The following PTPRD variants were observed in gnomAD, a reference collection of about 807,000 sequenced individuals.
PTPRD encodes protein tyrosine phosphatase receptor type D, also known as receptor-type tyrosine-protein phosphatase delta.
Under a neutral mutation model 214.5 loss-of-function variants are expected in PTPRD, and 34 were observed. That is an observed-to-expected ratio of 0.16 (90% CI 0.12 to 0.21). PTPRD has a LOEUF of 0.21. Among genes scored for constraint, PTPRD ranks in the 10% least tolerant of loss-of-function variants. The probability of loss-of-function intolerance (pLI) is 1.00; values close to 1 mark genes in which losing one functional copy is unlikely to be tolerated. For synonymous variants in PTPRD, 1,128 were observed against 845.7 expected (o/e 1.33, Z -5.79); for missense variants, 2,545 against 2,398.7 (o/e 1.06, Z -1.27).
intron 2 of PTPRD, among the ~76,000 whole-genome samples, chr9:10,426,594 T>C (rs2098620494): frequency 6.6e-6 from 1 of 152,068 alleles, no homozygotes; most frequent in Non-Finnish European, 1.5e-5. Context: ...CTGGATAAGA[T>C]AGCAGTATAA....
chr9:8,823,960 T>A (rs1272364788), intron 11 of PTPRD, among the ~76,000 whole-genome samples: 1 of 152,224 alleles, frequency 6.6e-6, no homozygotes, highest in African/African-American at 2.4e-5. Flanking sequence ...TATTCATGTC[T>A]TCCCTTTTTA....
intron 7 of PTPRD, among the ~76,000 whole-genome samples, chr9:9,716,442 A>G (rs534492837): frequency 1.3e-4 from 20 of 152,038 alleles, no homozygotes; most frequent in African/African-American, 4.8e-4. Flanking sequence ...GACTTCCACA[A>G]GGGTTGAACT....
chr9:9,473,393 T>C (rs2094773611), intron 8 of PTPRD, among the ~76,000 whole-genome samples: 1 of 152,226 alleles, frequency 6.6e-6, no homozygotes, highest in African/African-American at 2.4e-5. Flanking sequence ...TTTAGGTTGA[T>C]TCCATATCTT....
chr9:9,107,428 A>G (rs1176037327), intron 10 of PTPRD, among the ~76,000 whole-genome samples: 2 of 152,180 alleles, frequency 1.3e-5, no homozygotes, highest in Non-Finnish European at 1.5e-5. Flanking sequence ...TGTTTTTACT[A>G]TAATGTGGTT....
intron 22 of PTPRD, among the ~76,000 whole-genome samples, chr9:8,505,021 G>A (rs1419505276): frequency 2.0e-5 from 3 of 152,116 alleles, no homozygotes; most frequent in Non-Finnish European, 4.4e-5. Context: ...TACTACCCTA[G>A]GTTGATCTAA....
At chr9:9,215,671 A>T (rs1436591613) in intron 9 of PTPRD, among the ~76,000 whole-genome samples, 1 of 152,280 alleles carries the variant, frequency 6.6e-6, no homozygotes, top group African/African-American at 2.4e-5. Context: ...TGTACAACCC[A>T]GGAGGTTAAT....
chr9:8,611,886 T>C, intron 14 of PTPRD, among the ~76,000 whole-genome samples: 1 of 147,462 alleles, frequency 6.8e-6, no homozygotes, highest in Non-Finnish European at 1.5e-5. Flanking sequence ...GATGTTTCAA[T>C]GTTAACTACT....
intron 23 of PTPRD, among the ~76,000 whole-genome samples, chr9:8,502,606 T>C (rs1036332523): frequency 7.9e-5 from 12 of 152,084 alleles, no homozygotes; most frequent in African/African-American, 2.7e-4. Context: ...ATATCTCAAA[T>C]TATAAAACTA....
At chr9:9,480,174 A>G (rs919413692) in intron 8 of PTPRD, among the ~76,000 whole-genome samples, 8 of 152,174 alleles carry the variant, frequency 5.3e-5, no homozygotes, top group African/African-American at 1.9e-4. Flanking sequence ...CATCAGTCCA[A>G]GGGTGCATGG....
At position 8,388,616 on chromosome 9, in the gene PTPRD, A is replaced by G. The variant is rs764632579; in HGVS notation, c.4386+616T>C. 4.6e-5 allele frequency among the ~76,000 whole-genome samples: 7 copies of G among 152,162 alleles called. 1 individual carries two copies. In the South Asian group the frequency reaches 8.3e-4, roughly 18 times the overall value. On this transcript the variant is annotated intron_variant, in intron 37 of 45. Transcript: ENST00000381196. ...TAATATTGGACCCATACGATGAATA[A>G]AACTCTTTTCTTGGACCTTACCAAG...
At chr9:8,376,966 A>G (rs1023874642) in intron 37 of PTPRD, among the ~76,000 whole-genome samples, 10 of 152,136 alleles carry the variant, frequency 6.6e-5, no homozygotes, top group African/African-American at 9.7e-5. Flanking sequence ...CTGGAGAAAA[A>G]TAAGTTGCAG....
chr9:8,403,297 T>C (rs2092633386), intron 36 of PTPRD, among the ~76,000 whole-genome samples: 1 of 152,184 alleles, frequency 6.6e-6, no homozygotes, highest in African/African-American at 2.4e-5. Context: ...TTAAAATAAC[T>C]GGGTCTGAAG....
chr9:9,763,735 C>T (rs1034748255), intron 6 of PTPRD, among the ~76,000 whole-genome samples: 1 of 151,082 alleles, frequency 6.6e-6, no homozygotes, highest in Non-Finnish European at 1.5e-5. Context: ...TCAGACAACA[C>T]ATTCTTTATT....
chr9:8,724,933 G>A (rs1478460601), intron 12 of PTPRD, among the ~76,000 whole-genome samples: 1 of 152,138 alleles, frequency 6.6e-6, no homozygotes, highest in Non-Finnish European at 1.5e-5. Context: ...GTGAGACCCT[G>A]TGTCCAAAAT....
intron 3 of PTPRD, among the ~76,000 whole-genome samples, chr9:10,130,170 T>C (rs1026957086): frequency 3.1e-5 from 3 of 97,974 alleles, no homozygotes; most frequent in African/African-American, 9.5e-5. Context: ...CTGACTCAAA[T>C]CTATTTTTTT....
chr9:9,985,366 G>GT lies in PTPRD; in HGVS notation c.-471-46757dup, dbSNP rs560003370. ...AATTAACAATACACAATACAGTTAA[G>GT]TTTTTTTTAGACCTCTCCATTCTTT... On this transcript the variant is annotated intron_variant, in intron 4 of 45. Coordinates refer to ENST00000381196, the MANE Select transcript of PTPRD (RefSeq NM_002839.4). 3.9e-4 allele frequency among the ~76,000 whole-genome samples: 60 copies of GT among 152,078 alleles called. No homozygotes were observed. The South Asian group carries it at 0.012, about 30-fold the overall frequency.
In PTPRD at chr9:10,372,926, G is replaced by A. The variant is rs182389638; in HGVS notation, c.-599-31909C>T. Among the ~76,000 whole-genome samples the A allele has an allele frequency of 1.4e-3, 208 of 150,712 alleles. 2 individuals carry two copies. The highest frequency in any genetic ancestry group is 3.2e-3 in the African/African-American group (133 of 41,144). ...GTGCAGTGGTGCGATCTTGGCTTCC[G>A]AGTTCAAGCAATTCTCCTGCCTCAA... On this transcript the variant is annotated intron_variant, in intron 2 of 45. Coordinates refer to ENST00000381196, the MANE Select transcript of PTPRD (RefSeq NM_002839.4).
intron 8 of PTPRD, among the ~76,000 whole-genome samples, chr9:9,533,157 C>A (rs914881950): frequency 1.3e-5 from 2 of 152,086 alleles, no homozygotes; most frequent in African/African-American, 4.8e-5. Context: ...AGTGTGAGGG[C>A]TCCTTAAGGA....
At chr9:9,864,440 G>T (rs539859706) in intron 5 of PTPRD, among the ~76,000 whole-genome samples, 2 of 152,232 alleles carry the variant, frequency 1.3e-5, no homozygotes, top group South Asian at 4.1e-4. Context: ...TAGATTCCGT[G>T]GTCTGCAAAG....
Sources: gnomAD v4.1 joint callset for allele counts (sites outside exome capture counted in the v4.1 genomes callset) on GRCh38, gnomAD v4.1.1 for gene constraint, MANE v1.5 for transcripts, NCBI Gene and HGNC (gene_info 2026-07-23, HGNC 2026-07-21) for gene names.